BCL2: variants seen among roughly 807,000 people sequenced by gnomAD.
BCL2 encodes the protein apoptosis regulator Bcl-2.
A neutral mutation model predicts 14.2 loss-of-function variants in BCL2; 1 was observed. That is an observed-to-expected ratio of 0.07 (90% CI 0.02 to 0.33). The LOEUF is 0.33. BCL2 is among the 10% of genes least tolerant of loss of function. BCL2 has a pLI of 0.99. For missense variants in BCL2, 247 were observed against 305.9 expected (o/e 0.81, Z 1.44); for synonymous variants, 151 against 137.2 (o/e 1.10, Z -0.70).
chr18:63,218,652 C>T (rs75716352), intron 2 of BCL2, among the ~76,000 whole-genome samples: 21 of 73,332 alleles, frequency 2.9e-4, no homozygotes, highest in East Asian at 9.1e-4. Flanking sequence ...CCATCCTCCA[C>T]TCATCCCCAT....
intron 2 of BCL2, among the ~76,000 whole-genome samples, chr18:63,174,995 G>A (rs1223331894): frequency 6.6e-6 from 1 of 152,080 alleles, no homozygotes; most frequent in Non-Finnish European, 1.5e-5. Context: ...ACAAATCCAG[G>A]TTGAGGGGTA....
At chr18:63,194,814 G>A (rs529059130) in intron 2 of BCL2, among the ~76,000 whole-genome samples, 1 of 152,284 alleles carries the variant, frequency 6.6e-6, no homozygotes, top group South Asian at 2.1e-4. Flanking sequence ...AGGGTTCCTG[G>A]ATCAGCAGTA....
At chr18:63,250,449 ATGGT>A (rs1911278127) in intron 2 of BCL2, among the ~76,000 whole-genome samples, 2 of 152,182 alleles carry the variant, frequency 1.3e-5, no homozygotes, top group Non-Finnish European at 2.9e-5. Flanking sequence ...GTCATTTTTG[ATGGT>A]TGGTTATTTT....
At chr18:63,283,517 C>T (rs537255058) in intron 2 of BCL2, among the ~76,000 whole-genome samples, 1 of 152,254 alleles carries the variant, frequency 6.6e-6, no homozygotes, top group South Asian at 2.1e-4. Context: ...AAGATGTTTG[C>T]GTGGCTAGCT....
intron 2 of BCL2, among the ~76,000 whole-genome samples, chr18:63,169,930 TAC>T (rs1251798095): frequency 1.3e-5 from 2 of 152,200 alleles, no homozygotes; most frequent in African/African-American, 2.4e-5. Flanking sequence ...AATGTTCTTT[TAC>T]ACATTTTTCA....
chr18:63,134,896 T>C (rs1914169909), intron 2 of BCL2, among the ~76,000 whole-genome samples: 1 of 152,182 alleles, frequency 6.6e-6, no homozygotes, highest in African/African-American at 2.4e-5. Flanking sequence ...TATAATTTTG[T>C]CTCCATGGGG....
chr18:63,143,198 C>G (rs1914412157), intron 2 of BCL2, among the ~76,000 whole-genome samples: 1 of 152,188 alleles, frequency 6.6e-6, no homozygotes, highest in Non-Finnish European at 1.5e-5. Flanking sequence ...AACAGAAACT[C>G]AGAGAGAGAA....
At chr18:63,319,040 T>G in intron 1 of BCL2, 88 bp from the exon 2 acceptor site, 1 of 1,102,738 alleles carries the variant, frequency 9.1e-7, no homozygotes, top group African/African-American at 1.6e-5. Flanking sequence ...GCATACACAC[T>G]ACAAGTAACA....
chr18:63,129,592 A>T (rs775965666), intron 2 of BCL2, among the ~76,000 whole-genome samples: 6 of 152,172 alleles, frequency 3.9e-5, no homozygotes, highest in Non-Finnish European at 7.3e-5. Context: ...TCTTTGTACC[A>T]ATCTTATGAA....
chr18:63,207,571 A>T (rs1434318512), intron 2 of BCL2: 1 of 152,074 alleles, frequency 6.6e-6, no homozygotes, highest in African/African-American at 2.4e-5. Context: ...TGGGAGCACC[A>T]GAGTCTGATT....
At chr18:63,300,007 G>A (rs753415908) in intron 2 of BCL2, among the ~76,000 whole-genome samples, 1 of 152,064 alleles carries the variant, frequency 6.6e-6, no homozygotes, top group Non-Finnish European at 1.5e-5. Context: ...TAGGCACAAA[G>A]AATGTGGAAC....
intron 2 of BCL2, among the ~76,000 whole-genome samples, chr18:63,176,489 G>C (rs1443780365): frequency 6.6e-6 from 1 of 152,230 alleles, no homozygotes; most frequent in Non-Finnish European, 1.5e-5. Context: ...GTGAGTGAAC[G>C]AGTGAAAGAA....
intron 2 of BCL2, among the ~76,000 whole-genome samples, chr18:63,237,672 G>A (rs892021771): frequency 6.6e-6 from 1 of 152,100 alleles, no homozygotes; most frequent in African/African-American, 2.4e-5. Context: ...TTTATGGAAA[G>A]CTGGTCAAAG....
chr18:63,169,747 T>C (rs1246846995), intron 2 of BCL2, among the ~76,000 whole-genome samples: 2 of 151,886 alleles, frequency 1.3e-5, no homozygotes, highest in African/African-American at 4.8e-5. Flanking sequence ...CTGGTCTTGA[T>C]CTCTTGACCT....
intron 2 of BCL2, among the ~76,000 whole-genome samples, chr18:63,199,755 A>T (rs974609370): frequency 6.6e-6 from 1 of 152,224 alleles, no homozygotes; most frequent in Admixed American, 6.5e-5. Flanking sequence ...TGACACAGAC[A>T]TAAACACACA....
intron 2 of BCL2, among the ~76,000 whole-genome samples, chr18:63,255,969 GGGTATGAC>G (rs1167189526): frequency 3.3e-5 from 5 of 152,112 alleles, no homozygotes; most frequent in African/African-American, 9.7e-5. Context: ...AATGTGGCAA[GGGTATGAC>G]TGATAACCAA....
chr18:63,212,608 G>A (rs1355828831), intron 2 of BCL2, among the ~76,000 whole-genome samples: 1 of 151,976 alleles, frequency 6.6e-6, no homozygotes, highest in Non-Finnish European at 1.5e-5. Context: ...CGGGTGCGGT[G>A]GCTCACAACT....
rs1217999040 is a variant in BCL2, at chr18:63,244,310, G to C, written c.585+73772C>G. The stretch of plus-strand genomic sequence containing the variant: ...GGAGAATCACTTGAACCTGGGAGGC[G>C]GAGGTTGCAGTGAGCCGAGATCGCG... On this transcript the variant is annotated intron_variant, in intron 2 of 2. Coordinates refer to ENST00000333681, the MANE Select transcript of BCL2 (RefSeq NM_000633.3). Among the ~76,000 whole-genome samples the C allele has an allele frequency of 2.6e-5, 4 of 152,198 alleles. No homozygotes were observed. In the South Asian group the frequency reaches 8.3e-4, roughly 32 times the overall value.
At chr18:63,144,472 A>G (rs1234422818) in intron 2 of BCL2, among the ~76,000 whole-genome samples, 2 of 152,074 alleles carry the variant, frequency 1.3e-5, no homozygotes, top group Non-Finnish European at 2.9e-5. Context: ...CCAGGCATGT[A>G]CCTTTTCAAC....
Sources: gnomAD v4.1 joint callset for allele counts (sites outside exome capture counted in the v4.1 genomes callset) on GRCh38, gnomAD v4.1.1 for gene constraint, MANE v1.5 for transcripts, NCBI Gene and HGNC (gene_info 2026-07-23, HGNC 2026-07-21) for gene names.